Variants in LCLAT1 observed in about 807,000 individuals in gnomAD.
LCLAT1 encodes lysocardiolipin acyltransferase 1, also known as 1-AGP acyltransferase 8.
In LCLAT1, 11 loss-of-function variants were observed where a neutral mutation model predicts 30.7. That is an observed-to-expected ratio of 0.36 (90% CI 0.23 to 0.59). The LOEUF (loss-of-function observed/expected upper bound fraction) is 0.59. Ranked by LOEUF, LCLAT1 falls within the 20% of genes least tolerant of loss-of-function variation. The pLI is 0.77. For missense variants in LCLAT1, 402 were observed against 458.6 expected, an observed-to-expected ratio of 0.88 and a Z score of 1.13; for synonymous variants, 155 against 151.3, an observed-to-expected ratio of 1.02 and a Z score of -0.18.
At chr2:30,459,614 T>G (rs1457514294) in intron 1 of LCLAT1, 4 of 1,608,850 alleles carry the variant, frequency 2.5e-6, no homozygotes, top group Non-Finnish European at 3.4e-6. Flanking sequence ...ATGTGATATA[T>G]GCATTCCAGG....
intron 3 of LCLAT1, among the ~76,000 whole-genome samples, chr2:30,550,848 CT>C (rs1664645802): frequency 6.6e-6 from 1 of 152,132 alleles, no homozygotes; most frequent in African/African-American, 2.4e-5. Flanking sequence ...ATATTTGCCC[CT>C]ACTCCCCATT....
chr2:30,454,063 CT>C (rs1166949525), intron 1 of LCLAT1, among the ~76,000 whole-genome samples: 3 of 152,092 alleles, frequency 2.0e-5, no homozygotes, highest in African/African-American at 7.2e-5. Context: ...ATATACTGTA[CT>C]TGTGTGGCAT....
chr2:30,616,831 C>G (rs1668016141), intron 5 of LCLAT1, among the ~76,000 whole-genome samples: 1 of 151,316 alleles, frequency 6.6e-6, no homozygotes, highest in African/African-American at 2.4e-5. Context: ...AAATAAAATG[C>G]TAATACCAAA....
In LCLAT1 at chr2:30,633,928, G is replaced by A. The variant is rs191466308; in HGVS notation, c.629-6189G>A. Among the ~76,000 whole-genome samples, 16 of 152,312 alleles carry A rather than the reference G, an allele frequency of 1.1e-4. No homozygotes were observed. In the East Asian group the frequency reaches 3.1e-3, roughly 29 times the overall value. The stretch of plus-strand genomic sequence containing the variant: ...TCCATTCTTTTGTTTTAAACGTACA[G>A]ATGTGTAAGGATTTGGGCTCCCTCC... On this transcript the variant is annotated intron_variant, in intron 5 of 5. Coordinates refer to ENST00000379509, the MANE Select transcript of LCLAT1 (RefSeq NM_001002257.3).
chr2:30,470,627 T>C (rs888471853), intron 1 of LCLAT1, among the ~76,000 whole-genome samples: 1 of 152,238 alleles, frequency 6.6e-6, no homozygotes, highest in Admixed American at 6.5e-5. Flanking sequence ...GTTATAATTT[T>C]GCAAAGGCAG....
At chr2:30,524,191 C>T (rs1430612317) in intron 1 of LCLAT1, among the ~76,000 whole-genome samples, 1 of 151,990 alleles carries the variant, frequency 6.6e-6, no homozygotes, top group African/African-American at 2.4e-5. Context: ...TGTGTGTTTC[C>T]AACAAGCATT....
intron 5 of LCLAT1, among the ~76,000 whole-genome samples, chr2:30,614,242 G>T (rs1441498883): frequency 4.3e-5 from 5 of 115,110 alleles, no homozygotes; most frequent in African/African-American, 1.4e-4. Context: ...AGCACATCTT[G>T]CACCGCCCTT....
At chr2:30,525,872 A>G (rs1685693918) in intron 2 of LCLAT1, 117 bp downstream of exon 2, 2 of 758,524 alleles carry the variant, frequency 2.6e-6, no homozygotes, top group Non-Finnish European at 4.4e-6. Flanking sequence ...TCCTAGGCAC[A>G]TCCTTCTGTA....
intron 4 of LCLAT1, among the ~76,000 whole-genome samples, chr2:30,564,519 C>T (rs933757377): frequency 5.9e-5 from 9 of 152,194 alleles, no homozygotes; most frequent in African/African-American, 2.2e-4. Flanking sequence ...CTCACCATTA[C>T]ATGATGTAGT....
intron 1 of LCLAT1, among the ~76,000 whole-genome samples, chr2:30,451,876 G>T (rs1465475104): frequency 6.6e-6 from 1 of 152,152 alleles, no homozygotes; most frequent in Non-Finnish European, 1.5e-5. Context: ...TGAGTAAATT[G>T]TGATACATTT....
chr2:30,583,363 T>C (rs1471776683), intron 5 of LCLAT1, among the ~76,000 whole-genome samples: 1 of 152,234 alleles, frequency 6.6e-6, no homozygotes, highest in East Asian at 1.9e-4. Context: ...TAAAGTGCCA[T>C]CCAAAAATAG....
intron 5 of LCLAT1, among the ~76,000 whole-genome samples, chr2:30,635,874 A>G (rs1213975497): frequency 6.6e-6 from 1 of 152,224 alleles, no homozygotes; most frequent in Non-Finnish European, 1.5e-5. Context: ...CAGACTATAC[A>G]AATATTGGTC....
In LCLAT1 at chr2:30,562,256, C is replaced by A; in HGVS notation, c.475C>A (p.Gln159Lys). The A allele has an allele frequency of 6.2e-7, 1 of 1,612,540 alleles. No individual in the cohort carries two copies. Among genetic ancestry groups the A allele is most frequent in the Non-Finnish European group, 8.5e-7 (1 of 1,178,932 alleles). ...CTTTTGTGATATTCACGAACCACTTCAACTCCTCATATTCCCAGAAGGGAC... is the reference window on the plus strand; with the variant it reads ...CTTTTGTGATATTCACGAACCACTTAAACTCCTCATATTCCCAGAAGGGAC... Reference protein sequence around the residue: ...DYFCDIHEPLQLLIFPEGTDL... With the variant: ...DYFCDIHEPLKLLIFPEGTDL... The change falls in exon 4 of 6, where the codon CAA (glutamine) becomes AAA (lysine). Residue 159 changes from glutamine to lysine, a missense_variant. Coordinates refer to ENST00000379509, the MANE Select transcript of LCLAT1 (RefSeq NM_001002257.3).
intron 1 of LCLAT1, among the ~76,000 whole-genome samples, chr2:30,487,775 T>C (rs1020434673): frequency 6.6e-6 from 1 of 151,830 alleles, no homozygotes; most frequent in Non-Finnish European, 1.5e-5. Flanking sequence ...ACTCTTGGGC[T>C]AAGTGCTGAA....
intron 5 of LCLAT1, among the ~76,000 whole-genome samples, chr2:30,627,993 C>T (rs1394066263): frequency 6.6e-6 from 1 of 152,032 alleles, no homozygotes; most frequent in Non-Finnish European, 1.5e-5. Flanking sequence ...GACCATAAAA[C>T]TGTTTTTGCT....
chr2:30,460,085 A>G (rs1482028110), intron 1 of LCLAT1, among the ~76,000 whole-genome samples: 11 of 152,308 alleles, frequency 7.2e-5, no homozygotes, highest in Non-Finnish European at 5.9e-5. Flanking sequence ...TGCTGCATGC[A>G]GTAACTTGCT....
intron 1 of LCLAT1, among the ~76,000 whole-genome samples, chr2:30,495,862 GTAT>G (rs1272388564): frequency 6.6e-6 from 1 of 152,160 alleles, no homozygotes; most frequent in Non-Finnish European, 1.5e-5. Flanking sequence ...AGGTGGTTAT[GTAT>G]TATTCTTGAC....
chr2:30,612,483 C>A (rs1667785815), intron 5 of LCLAT1, among the ~76,000 whole-genome samples: 1 of 152,098 alleles, frequency 6.6e-6, no homozygotes, highest in Non-Finnish European at 1.5e-5. Flanking sequence ...CTGTTAACAC[C>A]ACATACATGT....
At position 30,561,114 on chromosome 2, in the gene LCLAT1, T is replaced by G. The variant is rs533056288; in HGVS notation, c.365-1032T>G. On this transcript the variant is annotated intron_variant, in intron 3 of 5. Transcript: ENST00000379509. ...CTGCCACCACGCCTGGCTAATTTTT[T>G]GTATTTTTAGTAGAGATAGGGTTTC... Among the ~76,000 whole-genome samples, 9 of 152,244 alleles carry G rather than the reference T, an allele frequency of 5.9e-5. No homozygotes were observed. In the South Asian group the frequency reaches 1.7e-3, roughly 28 times the overall value.
Sources: gnomAD v4.1 joint callset for allele counts (sites outside exome capture counted in the v4.1 genomes callset) on GRCh38, gnomAD v4.1.1 for gene constraint, MANE v1.5 for transcripts, NCBI Gene and HGNC (gene_info 2026-07-23, HGNC 2026-07-21) for gene names.